The following FRMPD2 variants were observed in gnomAD, a reference collection of about 807,000 sequenced individuals.
The protein encoded by FRMPD2 is FERM and PDZ domain containing 2, also known as FERM and PDZ domain-containing protein 2.
Under a neutral mutation model 140.1 loss-of-function variants are expected in FRMPD2, and 96 were observed. The ratio of observed to expected loss-of-function variants is 0.69; its 90% CI spans 0.58 to 0.81. The LOEUF is 0.81. Among genes scored for constraint, FRMPD2 ranks in the 40% least tolerant of loss-of-function variants. The pLI, the probability that FRMPD2 is intolerant of heterozygous loss-of-function variation, is 0.00. For synonymous variants in FRMPD2, 449 were observed against 547.6 expected (o/e 0.82, Z 2.52); for missense variants, 1,240 against 1,447.4 (o/e 0.86, Z 2.32).
At chr10:48,268,150 A>G (rs539583776) in intron 1 of FRMPD2, among the ~76,000 whole-genome samples, 1 of 152,330 alleles carries the variant, frequency 6.6e-6, no homozygotes, top group East Asian at 1.9e-4. Flanking sequence ...ATCACTGGCC[A>G]TAAGGGGAAG....
chr10:48,194,547 G>A (rs1280787754), intron 15 of FRMPD2, among the ~76,000 whole-genome samples: 1 of 152,208 alleles, frequency 6.6e-6, no homozygotes, highest in East Asian at 1.9e-4. Context: ...TAGCGAGTTT[G>A]AAGCAAGACT....
At chr10:48,247,699 G>T (rs1840282549) in intron 3 of FRMPD2, among the ~76,000 whole-genome samples, 1 of 152,224 alleles carries the variant, frequency 6.6e-6, no homozygotes. Context: ...TTCTCAGGTT[G>T]CATTGGCGTG....
At chr10:48,258,981 A>G (rs1366515739) in intron 1 of FRMPD2, among the ~76,000 whole-genome samples, 1 of 152,246 alleles carries the variant, frequency 6.6e-6, no homozygotes, top group Non-Finnish European at 1.5e-5. Flanking sequence ...AGAAACATGT[A>G]AAGTCTATTT....
At chr10:48,183,221 G>C (rs542943150) in intron 20 of FRMPD2, among the ~76,000 whole-genome samples, 1 of 152,294 alleles carries the variant, frequency 6.6e-6, no homozygotes, top group African/African-American at 2.4e-5. Flanking sequence ...GTATACAAGG[G>C]AAAACTGTAC....
In FRMPD2 at chr10:48,232,104, G is replaced by A. The variant is rs768155922; in HGVS notation, c.1168+11C>T. Reference sequence around the variant, plus strand: ...ACCAGGCCAGCTGTGAGCTGCCCAAGAGATGCTTACTTTTCATATACGCCA... The same window carrying A: ...ACCAGGCCAGCTGTGAGCTGCCCAAAAGATGCTTACTTTTCATATACGCCA... On this transcript the variant is annotated intron_variant, in intron 10 of 28. Coordinates refer to ENST00000374201, the MANE Select transcript of FRMPD2 (RefSeq NM_001018071.4). 3.7e-6 allele frequency: 6 copies of A among 1,613,916 alleles called. No homozygotes were observed. The Admixed American group carries it at 8.3e-5, about 22-fold the overall frequency.
In FRMPD2 at chr10:48,274,591, T is replaced by C. The variant is rs765927784; in HGVS notation, c.-24A>G. The C allele has an allele frequency of 2.5e-6, 4 of 1,613,182 alleles. No homozygotes were observed. Among genetic ancestry groups the C allele is most frequent in the Non-Finnish European group, 2.5e-6 (3 of 1,179,290 alleles). On this transcript the variant is annotated 5_prime_UTR_variant, in exon 1 of 29. The change abolishes the stop of an existing upstream ORF in the 5' untranslated region. Coordinates refer to ENST00000374201, the MANE Select transcript of FRMPD2 (RefSeq NM_001018071.4). ...ATCCAAAAGTCTCCGTGACCAGGTC[T>C]AGGCCTTCATCATGGGACAACTTTC...
At chr10:48,187,130 C>T (rs973423783) in intron 17 of FRMPD2, 62 bp downstream of exon 17, 1 of 1,138,680 alleles carries the variant, frequency 8.8e-7, no homozygotes, top group Non-Finnish European at 1.3e-6. Context: ...GTAAAAGACT[C>T]AAAGCAAGCT....
intron 14 of FRMPD2, among the ~76,000 whole-genome samples, chr10:48,202,312 A>G (rs1839105405): frequency 6.6e-6 from 1 of 152,152 alleles, no homozygotes; most frequent in Admixed American, 6.6e-5. Flanking sequence ...GGCTTCCGGA[A>G]ACCCCTGATC....
At chr10:48,253,860 A>T (rs1004814141) in intron 1 of FRMPD2, among the ~76,000 whole-genome samples, 4 of 152,152 alleles carry the variant, frequency 2.6e-5, no homozygotes, top group Non-Finnish European at 5.9e-5. Context: ...GAATTTTTTT[A>T]AAAGGAGCAT....
At chr10:48,256,669 C>T (rs1840496784) in intron 1 of FRMPD2, among the ~76,000 whole-genome samples, 1 of 152,094 alleles carries the variant, frequency 6.6e-6, no homozygotes, top group Admixed American at 6.5e-5. Flanking sequence ...GTGCCACTGC[C>T]CAGGAAGAGA....
chr10:48,221,913 G>T (rs1166305650), intron 12 of FRMPD2, among the ~76,000 whole-genome samples: 1 of 151,190 alleles, frequency 6.6e-6, no homozygotes. Context: ...TGGATGGATG[G>T]ATGGATGGGA....
chr10:48,207,495 G>A (rs553104677), intron 13 of FRMPD2, among the ~76,000 whole-genome samples: 23 of 152,264 alleles, frequency 1.5e-4, no homozygotes, highest in South Asian at 8.3e-4. Context: ...GGGGGTCCCC[G>A]TAGCCCAGGG....
At chr10:48,201,957 T>G (rs757521138) in intron 14 of FRMPD2, among the ~76,000 whole-genome samples, 3 of 151,452 alleles carry the variant, frequency 2.0e-5, no homozygotes, top group African/African-American at 2.4e-5. Flanking sequence ...GCAAGAGTCC[T>G]CAAAATGCCA....
chr10:48,228,748 G>A (rs1839782542), intron 10 of FRMPD2, among the ~76,000 whole-genome samples: 1 of 152,008 alleles, frequency 6.6e-6, no homozygotes, highest in Non-Finnish European at 1.5e-5. Flanking sequence ...ATATGTTTGG[G>A]TGAGAAAAGT....
rs893105214 is a variant in FRMPD2, at chr10:48,185,788, T to C, written c.2267-143A>G. ...ATCCTGAAAACAAAAGTAGCTCATA[T>C]TTAATCTCCCAGCAGTGCTGGGAAT... On this transcript the variant is annotated intron_variant, in intron 17 of 28. Transcript: ENST00000374201. 4.5e-6 allele frequency: 3 copies of C among 660,308 alleles called. No homozygotes were observed. The Admixed American group carries it at 6.4e-5, about 14-fold the overall frequency. The allele number at this position is 660,308 out of a possible 1,614,324, so 40.9% of individuals were successfully genotyped here. A position where few individuals can be genotyped will look rare whatever the true frequency, so the allele number is the denominator to read the frequency against.
intron 20 of FRMPD2, among the ~76,000 whole-genome samples, chr10:48,182,489 C>G (rs1333836508): frequency 1.3e-5 from 2 of 152,200 alleles, no homozygotes; most frequent in Admixed American, 6.5e-5. Flanking sequence ...TCTAGCCCAG[C>G]TGCCTTAACA....
chr10:48,229,362 G>C (rs909941793), intron 10 of FRMPD2, among the ~76,000 whole-genome samples: 1 of 152,090 alleles, frequency 6.6e-6, no homozygotes, highest in Non-Finnish European at 1.5e-5. Flanking sequence ...ATTCTACTTT[G>C]ATCAAGGGTT....
chr10:48,192,241 C>T (rs373483239), intron 16 of FRMPD2, among the ~76,000 whole-genome samples: 1 of 152,162 alleles, frequency 6.6e-6, no homozygotes. Context: ...AATTGATTGA[C>T]AGTTACCCAA....
chr10:48,222,557 G>T (rs17011161), intron 11 of FRMPD2, 106 bp from the exon 12 acceptor site: 9 of 1,161,532 alleles, frequency 7.7e-6, no homozygotes, highest in African/African-American at 1.5e-5. Flanking sequence ...TAGGGAAGAC[G>T]AGATGCAACT....
Sources: allele counts gnomAD v4.1 joint callset (sites outside exome capture counted in the v4.1 genomes callset), GRCh38; gene constraint gnomAD v4.1.1; transcripts MANE v1.5; gene names NCBI Gene and HGNC (gene_info 2026-07-23, HGNC 2026-07-21).